THEMIS: variants seen among roughly 807,000 people sequenced by gnomAD.
THEMIS encodes thymocyte selection associated.
In THEMIS, 37 loss-of-function variants were observed where a neutral mutation model predicts 52.6. The ratio of observed to expected loss-of-function variants is 0.70; its 90% CI spans 0.54 to 0.93. THEMIS has a LOEUF of 0.93. Ranked by LOEUF, THEMIS falls within the 40% of genes least tolerant of loss-of-function variation. The pLI, the probability that THEMIS is intolerant of heterozygous loss-of-function variation, is 0.00. For synonymous variants in THEMIS, 292 were observed against 272.7 expected, an observed-to-expected ratio of 1.07 and a Z score of -0.70; for missense variants, 808 against 763.1, an observed-to-expected ratio of 1.06 and a Z score of -0.69.
intron 2 of THEMIS, among the ~76,000 whole-genome samples, chr6:127,852,509 G>C (rs1779464189): frequency 6.6e-6 from 1 of 151,452 alleles, no homozygotes; most frequent in South Asian, 2.1e-4. Context: ...TAAAAGGATT[G>C]AGTCATACAA....
intron 4 of THEMIS, among the ~76,000 whole-genome samples, chr6:127,786,535 G>A (rs1776954530): frequency 6.6e-6 from 1 of 152,078 alleles, no homozygotes; most frequent in Non-Finnish European, 1.5e-5. Flanking sequence ...GTATTCATTA[G>A]GTACCAAGTA....
intron 3 of THEMIS, among the ~76,000 whole-genome samples, chr6:127,821,394 T>C (rs535646077): frequency 2.0e-5 from 3 of 152,182 alleles, no homozygotes; most frequent in Admixed American, 2.0e-4. Context: ...GTATTACAAG[T>C]TTTTCTGTTC....
chr6:127,843,182 T>C (rs1378327790), intron 2 of THEMIS, among the ~76,000 whole-genome samples: 1 of 152,068 alleles, frequency 6.6e-6, no homozygotes. Context: ...AGGAGTGATA[T>C]TAGTTCAAAT....
chr6:127,852,453 A>T (rs270029), intron 2 of THEMIS, among the ~76,000 whole-genome samples: 93,717 of 151,112 alleles, frequency 0.62, 29,375 homozygotes, highest in East Asian at 0.83. Context: ...TACAGAACAT[A>T]CTCTAGATCA....
At chr6:127,886,029 A>G (rs568225782) in intron 1 of THEMIS, among the ~76,000 whole-genome samples, 1 of 152,120 alleles carries the variant, frequency 6.6e-6, no homozygotes, top group Admixed American at 6.5e-5. Flanking sequence ...TGTCTCTCAT[A>G]TCGTTTCTGA....
intron 1 of THEMIS, among the ~76,000 whole-genome samples, chr6:127,913,932 C>T (rs1413317669): frequency 1.3e-5 from 2 of 152,036 alleles, no homozygotes; most frequent in African/African-American, 2.4e-5. Context: ...GAGGCCAAGT[C>T]TTATACAGGT....
chr6:127,900,728 C>T, intron 1 of THEMIS, 114 bp downstream of exon 1: 1 of 895,402 alleles, frequency 1.1e-6, no homozygotes, highest in Non-Finnish European at 1.8e-6. Flanking sequence ...TTTGTGATCG[C>T]CTTTCCTTTA....
intron 1 of THEMIS, among the ~76,000 whole-genome samples, chr6:127,878,130 T>G (rs115702499): frequency 1.6e-3 from 247 of 152,302 alleles, no homozygotes; most frequent in African/African-American, 4.8e-3. Flanking sequence ...TAAGGCTGCT[T>G]CATGGGTGAA....
chr6:127,757,649 G>C (rs2114369445), intron 4 of THEMIS, among the ~76,000 whole-genome samples: 1 of 151,984 alleles, frequency 6.6e-6, no homozygotes, highest in East Asian at 1.9e-4. Flanking sequence ...CGCCCGGCTA[G>C]ATTTTCGTAT....
intron 1 of THEMIS, among the ~76,000 whole-genome samples, chr6:127,899,327 C>G (rs967819254): frequency 2.0e-5 from 3 of 151,612 alleles, no homozygotes; most frequent in Non-Finnish European, 2.9e-5. Context: ...AGGGATTGGT[C>G]TATACATCAT....
chr6:127,821,255 A>C (rs920636007), intron 3 of THEMIS, among the ~76,000 whole-genome samples: 6 of 151,932 alleles, frequency 3.9e-5, no homozygotes, highest in Admixed American at 6.6e-5. Flanking sequence ...TTCCTCCCCC[A>C]AAAAAGACCA....
intron 4 of THEMIS, among the ~76,000 whole-genome samples, chr6:127,772,745 T>C (rs1460123433): frequency 1.3e-5 from 2 of 152,040 alleles, no homozygotes; most frequent in Non-Finnish European, 1.5e-5. Context: ...AAAACAAATA[T>C]CTCTCAAATC....
chr6:127,809,701 G>A (rs772446626), intron 4 of THEMIS, among the ~76,000 whole-genome samples: 1 of 151,714 alleles, frequency 6.6e-6, no homozygotes, highest in Non-Finnish European at 1.5e-5. Flanking sequence ...AACATTTTGG[G>A]GAGAAGAAAC....
intron 4 of THEMIS, among the ~76,000 whole-genome samples, chr6:127,778,277 A>G (rs1304159360): frequency 6.6e-6 from 1 of 152,160 alleles, no homozygotes; most frequent in Non-Finnish European, 1.5e-5. Context: ...CACAGAATAT[A>G]GGAAATGAAT....
chr6:127,843,894 T>C (rs931975638), intron 2 of THEMIS, among the ~76,000 whole-genome samples: 3 of 151,994 alleles, frequency 2.0e-5, no homozygotes, highest in East Asian at 1.9e-4. Flanking sequence ...AACTTGATAA[T>C]AGATCTCCAA....
chr6:127,838,404 A>C (rs545526815), intron 2 of THEMIS, among the ~76,000 whole-genome samples: 1 of 152,186 alleles, frequency 6.6e-6, no homozygotes, highest in East Asian at 1.9e-4. Context: ...CCATTTTCCT[A>C]TTAGTGTTCT....
At chr6:127,804,181 CA>C (rs1014638150) in intron 4 of THEMIS, among the ~76,000 whole-genome samples, 4 of 151,728 alleles carry the variant, frequency 2.6e-5, no homozygotes, top group African/African-American at 9.7e-5. Context: ...GAAGAGCTAC[CA>C]AAAAAGATGA....
At chr6:127,912,766 C>A (rs748890683) in intron 1 of THEMIS, among the ~76,000 whole-genome samples, 21 of 152,224 alleles carry the variant, frequency 1.4e-4, no homozygotes, top group Non-Finnish European at 2.5e-4. Context: ...AGGTGTTAAG[C>A]AAATGTAAGA....
At chr6:127,771,259 A>G (rs1334496322) in intron 4 of THEMIS, among the ~76,000 whole-genome samples, 1 of 152,216 alleles carries the variant, frequency 6.6e-6, no homozygotes, top group Non-Finnish European at 1.5e-5. Context: ...CAATGAAATA[A>G]AAGAGGACAC....
Sources: allele counts gnomAD v4.1 joint callset (sites outside exome capture counted in the v4.1 genomes callset), GRCh38; gene constraint gnomAD v4.1.1; transcripts MANE v1.5; gene names NCBI Gene and HGNC (gene_info 2026-07-23, HGNC 2026-07-21).